Variants in ADRA1A observed in about 807,000 individuals in gnomAD.
ADRA1A encodes the protein adrenoceptor alpha 1A, also known as alpha-1A adrenergic receptor.
Under a neutral mutation model 29.6 loss-of-function variants are expected in ADRA1A, and 31 were observed. That is an observed-to-expected ratio of 1.05 (90% CI 0.79 to 1.41). ADRA1A has a LOEUF of 1.41. Among genes scored for constraint, ADRA1A ranks in the 40% most tolerant of loss-of-function variants. ADRA1A has a pLI of 0.00. For missense variants in ADRA1A, 619 were observed against 601.1 expected (o/e 1.03, Z -0.31); for synonymous variants, 311 against 254.3 (o/e 1.22, Z -2.12).
At chr8:26,764,292 G>A (rs1805659533), downstream of ADRA1A, among the ~76,000 whole-genome samples, 1 of 152,168 alleles carries the variant, frequency 6.6e-6, no homozygotes, top group Non-Finnish European at 1.5e-5. Flanking sequence ...CAAACCAAGA[G>A]CCTCCTGCCC....
intron 2 of ADRA1A, among the ~76,000 whole-genome samples, chr8:26,757,687 A>G (rs1805266729): frequency 1.3e-5 from 2 of 152,170 alleles, no homozygotes; most frequent in African/African-American, 4.8e-5. Context: ...ATGATTGGGA[A>G]TTTGTGGTTT....
At chr8:26,818,124 AC>A (rs1809891494) in intron 2 of ADRA1A, among the ~76,000 whole-genome samples, 2 of 152,202 alleles carry the variant, frequency 1.3e-5, no homozygotes, top group South Asian at 4.1e-4. Context: ...TTTTACAAAG[AC>A]AACACTATAG....
intron 2 of ADRA1A, among the ~76,000 whole-genome samples, chr8:26,832,632 G>GA (rs1243547440): frequency 6.6e-6 from 1 of 152,060 alleles, no homozygotes; most frequent in Non-Finnish European, 1.5e-5. Context: ...AAGAAAATGA[G>GA]AAAAATGATG....
At chr8:26,845,627 G>A (rs549970361) in intron 2 of ADRA1A, among the ~76,000 whole-genome samples, 2 of 152,264 alleles carry the variant, frequency 1.3e-5, no homozygotes, top group South Asian at 4.1e-4. Context: ...ACAAAAACTT[G>A]TACATGGATG....
At chr8:26,846,090 A>C (rs1407091857) in intron 2 of ADRA1A, among the ~76,000 whole-genome samples, 3 of 152,234 alleles carry the variant, frequency 2.0e-5, no homozygotes, top group South Asian at 2.1e-4. Context: ...TGTGAATTTA[A>C]TTACAATTAA....
rs908131146 is a variant in ADRA1A, at chr8:26,804,551, G to A, written c.884-33885C>T. Among the ~76,000 whole-genome samples, 4 of 152,204 alleles carry A rather than the reference G, an allele frequency of 2.6e-5. No individual in the cohort carries two copies. In the South Asian group the frequency reaches 8.3e-4, roughly 31 times the overall value. ...TCTAGAAATTGCAAGATAATCTACA[G>A]TGATGGTAAACAGATCAGTATTTGC... On this transcript the variant is annotated intron_variant, in intron 2 of 2. Coordinates refer to ENST00000380573, the MANE Select transcript of ADRA1A (RefSeq NM_000680.4).
At chr8:26,762,165 G>A (rs1483616251), downstream of ADRA1A, among the ~76,000 whole-genome samples, 1 of 152,140 alleles carries the variant, frequency 6.6e-6, no homozygotes, top group African/African-American at 2.4e-5. This position sits in a 1 kb window ranked among gnomAD's most constrained non-coding sequence, Gnocchi z 4.0. Context: ...CGAACCATCA[G>A]AGAGTGGTAA....
chr8:26,786,549 A>G (rs1221011781), intron 2 of ADRA1A, among the ~76,000 whole-genome samples: 1 of 151,986 alleles, frequency 6.6e-6, no homozygotes, highest in African/African-American at 2.4e-5. Flanking sequence ...GGGATTACAC[A>G]ACCTGATCTC....
At chr8:26,752,033 C>A (rs1804943778), downstream of ADRA1A, among the ~76,000 whole-genome samples, 1 of 152,016 alleles carries the variant, frequency 6.6e-6, no homozygotes, top group Non-Finnish European at 1.5e-5. Context: ...ATAATTTACA[C>A]CACAAAAATT....
At chr8:26,786,744 T>TG (rs11446463) in intron 2 of ADRA1A, among the ~76,000 whole-genome samples, 1,524 of 145,486 alleles carry the variant, frequency 0.01, 10 homozygotes, top group African/African-American at 0.023. Flanking sequence ...CATGCTGGGT[T>TG]GGGGGGGGGG....
intron 2 of ADRA1A, among the ~76,000 whole-genome samples, chr8:26,814,191 TG>T (rs1266203642): frequency 1.1e-4 from 15 of 133,070 alleles, no homozygotes; most frequent in African/African-American, 4.0e-4. Context: ...TCTCCTATGG[TG>T]AAAAAAAAAA....
intron 2 of ADRA1A, among the ~76,000 whole-genome samples, chr8:26,838,239 C>A (rs956698167): frequency 2.0e-5 from 3 of 152,152 alleles, no homozygotes; most frequent in Non-Finnish European, 4.4e-5. Context: ...TTCCTTTTTA[C>A]ATTCAGATAT....
intron 2 of ADRA1A, among the ~76,000 whole-genome samples, chr8:26,855,855 A>G (rs1463247579): frequency 6.6e-6 from 1 of 152,272 alleles, no homozygotes; most frequent in African/African-American, 2.4e-5. Context: ...GCTAAAATAC[A>G]GTAAACTTGT....
exon 3 of ADRA1A, chr8:26,756,599 G>T (rs774262779): frequency 6.4e-7 from 1 of 1,556,118 alleles, no homozygotes; most frequent in Non-Finnish European, 8.7e-7. Context: ...TTGTGCCTTA[G>T]TCAGATGGAT....
downstream of ADRA1A, chr8:26,765,770 TC>T: frequency 2.5e-6 from 3 of 1,194,490 alleles, no homozygotes; most frequent in Non-Finnish European, 3.1e-6. Context: ...AGAGGCAGCA[TC>T]TTTTTTGGCC....
Position 26,769,845 on chromosome 8 carries a change from G to T in ADRA1A, c.*304C>A. 1.8e-6 allele frequency: 2 copies of T among 1,122,284 alleles called. No individual in the cohort carries two copies. Among genetic ancestry groups the T allele is most frequent in the Non-Finnish European group, 2.2e-6 (2 of 918,044 alleles). The allele number at this position is 1,122,284 out of a possible 1,614,324, so 69.5% of individuals were successfully genotyped here. A position where few individuals can be genotyped will look rare whatever the true frequency, so the allele number is the denominator to read the frequency against. ...ATAATCCTATATTTATAGTCTTTTGGATTGTGCATGAAATTCTGTTTCCCA... is the reference window on the plus strand; with the variant it reads ...ATAATCCTATATTTATAGTCTTTTGTATTGTGCATGAAATTCTGTTTCCCA... On this transcript the variant is annotated 3_prime_UTR_variant, in exon 3 of 3. Coordinates refer to ENST00000380573, the MANE Select transcript of ADRA1A (RefSeq NM_000680.4).
In ADRA1A at chr8:26,848,038, G is replaced by A. The variant is rs1314827309; in HGVS notation, c.883+16049C>T. On this transcript the variant is annotated intron_variant, in intron 2 of 2. Coordinates refer to ENST00000380573, the MANE Select transcript of ADRA1A (RefSeq NM_000680.4). The surrounding 1 kb of genome is among the most constrained non-coding windows in gnomAD (Gnocchi z 4.3). ...ACCCAAGCCCCTCTCCTACAGATGA[G>A]GACACCAGAGTGCAGAGCAAAGGGC... Among the ~76,000 whole-genome samples, 1 of 152,208 alleles carries A rather than the reference G, an allele frequency of 6.6e-6. No homozygotes were observed. The highest frequency in any genetic ancestry group is 1.5e-5 in the Non-Finnish European group (1 of 68,038).
chr8:26,768,805 G>C (rs1805933798), downstream of ADRA1A: 1 of 704,020 alleles, frequency 1.4e-6, no homozygotes, highest in Non-Finnish European at 1.7e-6. Flanking sequence ...AGATACACAA[G>C]TTCTGTACTG....
chr8:26,835,426 C>T (rs371539434), intron 2 of ADRA1A, among the ~76,000 whole-genome samples: 13 of 152,176 alleles, frequency 8.5e-5, no homozygotes, highest in African/African-American at 2.4e-4. Context: ...TTAATTGACT[C>T]ATAGTTCCGT....
Sources: gnomAD v4.1 joint callset for allele counts (sites outside exome capture counted in the v4.1 genomes callset) on GRCh38, gnomAD v4.1.1 for gene constraint, Gnocchi (gnomAD v3.1) non-coding constraint, MANE v1.5 for transcripts, NCBI Gene and HGNC (gene_info 2026-07-23, HGNC 2026-07-21) for gene names.